Variants in KLHL3 observed in about 807,000 individuals in gnomAD.
KLHL3 encodes the protein kelch like family member 3.
A neutral mutation model predicts 70.5 loss-of-function variants in KLHL3; 19 were observed. That is an observed-to-expected ratio of 0.27 (90% CI 0.19 to 0.40). KLHL3 has a LOEUF of 0.40. Ranked by LOEUF, KLHL3 falls within the 10% of genes least tolerant of loss-of-function variation. KLHL3 has a pLI of 1.00. For synonymous variants in KLHL3, 258 were observed against 290.3 expected (o/e 0.89, Z 1.13); for missense variants, 512 against 771.1 (o/e 0.66, Z 3.98).
chr5:137,685,444 T>C (rs778349334), intron 5 of KLHL3, among the ~76,000 whole-genome samples: 4 of 152,242 alleles, frequency 2.6e-5, no homozygotes, highest in Non-Finnish European at 1.5e-5. Flanking sequence ...GAGTGCTTTC[T>C]GTTGTGTAAG....
intron 3 of KLHL3, among the ~76,000 whole-genome samples, chr5:137,707,832 G>A (rs745443887): frequency 3.3e-5 from 5 of 152,066 alleles, no homozygotes; most frequent in Admixed American, 2.0e-4. Context: ...TGACACTTCC[G>A]CTACTTCAGA....
chr5:137,622,162 T>G, intron 14 of KLHL3, 36 bp from the exon 15 acceptor site: 1 of 1,612,780 alleles, frequency 6.2e-7, no homozygotes, highest in South Asian at 1.1e-5. Flanking sequence ...TCATCTTAGC[T>G]TCTCCAAAAT....
chr5:137,658,648 C>T (rs1404675648), intron 7 of KLHL3, among the ~76,000 whole-genome samples: 1 of 152,186 alleles, frequency 6.6e-6, no homozygotes, highest in Non-Finnish European at 1.5e-5. Flanking sequence ...CCACATTTCT[C>T]CTGATTTGAA....
At chr5:137,635,236 C>G (rs1387577947) in intron 11 of KLHL3, among the ~76,000 whole-genome samples, 7 of 152,174 alleles carry the variant, frequency 4.6e-5, no homozygotes, top group Admixed American at 4.6e-4. Flanking sequence ...TTTCTTCTAT[C>G]ATCATCGAGC....
At chr5:137,666,954 A>C (rs921028504) in intron 6 of KLHL3, among the ~76,000 whole-genome samples, 6 of 152,166 alleles carry the variant, frequency 3.9e-5, no homozygotes, top group Admixed American at 2.6e-4. Context: ...AACTAAAAAG[A>C]AGCAGAGCCA....
intron 10 of KLHL3, among the ~76,000 whole-genome samples, chr5:137,637,678 T>A (rs182557002): frequency 6.6e-6 from 1 of 152,074 alleles, no homozygotes; most frequent in Non-Finnish European, 1.5e-5. Context: ...AACCGCAGAG[T>A]GGGATACTTT....
intron 1 of KLHL3, among the ~76,000 whole-genome samples, chr5:137,729,188 G>T (rs1448484237): frequency 6.6e-6 from 1 of 152,138 alleles, no homozygotes; most frequent in Non-Finnish European, 1.5e-5. Flanking sequence ...AGCACATTAT[G>T]TTCAAGCTAG....
At chr5:137,683,737 TTCTCTCTC>T (rs377097204) in intron 5 of KLHL3, among the ~76,000 whole-genome samples, 3 of 141,432 alleles carry the variant, frequency 2.1e-5, no homozygotes, top group Admixed American at 7.4e-5. Context: ...CTCCCTCTCT[TTCTCTCTC>T]TCTCTCTCTC....
At chr5:137,690,163 T>C (rs967470238) in intron 5 of KLHL3, among the ~76,000 whole-genome samples, 3 of 151,968 alleles carry the variant, frequency 2.0e-5, no homozygotes, top group Non-Finnish European at 4.4e-5. Context: ...CCATCTCTAC[T>C]AAAAATACAA....
At chr5:137,714,677 C>T (rs141206536) in intron 2 of KLHL3, among the ~76,000 whole-genome samples, 4 of 152,086 alleles carry the variant, frequency 2.6e-5, no homozygotes, top group Non-Finnish European at 5.9e-5. Flanking sequence ...AAGAATACAG[C>T]GTTTCTATTT....
At chr5:137,658,384 C>A in intron 7 of KLHL3, 104 bp from the exon 8 acceptor site, 5 of 1,056,926 alleles carry the variant, frequency 4.7e-6, no homozygotes, top group Non-Finnish European at 7.2e-6. Flanking sequence ...CTCATTCATT[C>A]CTTCACCACA....
chr5:137,692,240 G>C, intron 5 of KLHL3, 45 bp downstream of exon 5: 2 of 1,563,022 alleles, frequency 1.3e-6, no homozygotes, highest in Non-Finnish European at 1.7e-6. Context: ...CAGGTGATTA[G>C]ATCCACAAAC....
chr5:137,688,834 C>A (rs1305661267), intron 5 of KLHL3, among the ~76,000 whole-genome samples: 3 of 152,164 alleles, frequency 2.0e-5, no homozygotes, highest in African/African-American at 7.2e-5. Flanking sequence ...AAAGGGAGAG[C>A]TCAATAAACA....
At chr5:137,720,848 C>T (rs577839713) in intron 1 of KLHL3, 1 of 1,270,918 alleles carries the variant, frequency 7.9e-7, no homozygotes, top group African/African-American at 1.5e-5. Flanking sequence ...TATTCTCCAT[C>T]TCTCCATCCT....
intron 14 of KLHL3, among the ~76,000 whole-genome samples, chr5:137,622,996 C>T (rs1031014195): frequency 6.6e-6 from 1 of 152,212 alleles, no homozygotes; most frequent in East Asian, 1.9e-4. Context: ...AGTGTTGCAA[C>T]GCTGGCTTTG....
chr5:137,693,791 G>A (rs1277430486), intron 4 of KLHL3, among the ~76,000 whole-genome samples: 2 of 152,168 alleles, frequency 1.3e-5, no homozygotes, highest in African/African-American at 4.8e-5. Context: ...CCAGCCACAA[G>A]GGCTTGCCCA....
intron 6 of KLHL3, chr5:137,673,854 G>A (rs896927152): frequency 6.6e-6 from 1 of 152,144 alleles, no homozygotes; most frequent in Non-Finnish European, 1.5e-5. Flanking sequence ...CAGTCTCTGA[G>A]CTCTGGGAGG....
rs559715987 is a variant in KLHL3 at position 137,731,859 on chromosome 5, T to C, written c.14+3774A>G. ...CTGAATGTTTTTTATTGTGGTAAAATAGATGTAACATAAAATGTATAATTT... is the reference window on the plus strand; with the variant it reads ...CTGAATGTTTTTTATTGTGGTAAAACAGATGTAACATAAAATGTATAATTT... On this transcript the variant is annotated intron_variant, in intron 1 of 14. Coordinates refer to ENST00000309755, the MANE Select transcript of KLHL3 (RefSeq NM_017415.3). Among the ~76,000 whole-genome samples, 4 of 152,286 alleles carry C rather than the reference T, an allele frequency of 2.6e-5. No individual in the cohort carries two copies. The South Asian group carries it at 8.3e-4, about 32-fold the overall frequency.
At chr5:137,719,896 G>A (rs1752964049) in intron 2 of KLHL3, among the ~76,000 whole-genome samples, 2 of 152,180 alleles carry the variant, frequency 1.3e-5, no homozygotes, top group African/African-American at 4.8e-5. Flanking sequence ...TAGACTTGCT[G>A]TAACCATAAA....
Sources: allele counts gnomAD v4.1 joint callset (sites outside exome capture counted in the v4.1 genomes callset), GRCh38; gene constraint gnomAD v4.1.1; transcripts MANE v1.5; gene names NCBI Gene and HGNC (gene_info 2026-07-23, HGNC 2026-07-21).